Variants in KAZN observed in about 807,000 individuals in gnomAD.
KAZN encodes the protein kazrin.
In KAZN, 40 loss-of-function variants were observed where a neutral mutation model predicts 87.4. The ratio of observed to expected loss-of-function variants is 0.46; its 90% confidence interval spans 0.36 to 0.60. The LOEUF is 0.60. KAZN is among the 20% of genes least tolerant of loss of function. The probability of loss-of-function intolerance (pLI) is 0.00; values close to 1 mark genes in which losing one functional copy is unlikely to be tolerated. For synonymous variants in KAZN, 466 were observed against 458.3 expected, an observed-to-expected ratio of 1.02 and a Z score of -0.22; for missense variants, 898 against 1,073.9, an observed-to-expected ratio of 0.84 and a Z score of 2.29.
intron 2 of KAZN, among the ~76,000 whole-genome samples, chr1:14,464,266 C>T (rs114296539): frequency 2.0e-5 from 3 of 152,332 alleles, no homozygotes; most frequent in Non-Finnish European, 2.9e-5. Flanking sequence ...AGTTACTTGG[C>T]TTGCAAAGTA....
intron 2 of KAZN, among the ~76,000 whole-genome samples, chr1:14,234,544 A>T (rs1226496540): frequency 3.3e-5 from 5 of 152,002 alleles, no homozygotes; most frequent in African/African-American, 1.2e-4. Context: ...CCCAGAACTT[A>T]AAGTATAATA....
At chr1:14,770,316 A>G (rs777031729) in intron 1 of KAZN, among the ~76,000 whole-genome samples, 1 of 152,224 alleles carries the variant, frequency 6.6e-6, no homozygotes, top group African/African-American at 2.4e-5. Flanking sequence ...AAGCTAATGT[A>G]TGTAGCCAGG....
At chr1:14,647,967 C>A (rs1680932426) in intron 1 of KAZN, among the ~76,000 whole-genome samples, 2 of 152,206 alleles carry the variant, frequency 1.3e-5, no homozygotes, top group South Asian at 4.1e-4. Flanking sequence ...GCTGACCTTT[C>A]TGTTTCCTCT....
chr1:14,593,058 T>C (rs1362865413), intron 2 of KAZN, among the ~76,000 whole-genome samples: 1 of 152,148 alleles, frequency 6.6e-6, no homozygotes, highest in Non-Finnish European at 1.5e-5. Context: ...GCAGGCAGTT[T>C]TGTGATGCTT....
chr1:14,365,364 GGGGT>G (rs150109666), intron 2 of KAZN, among the ~76,000 whole-genome samples: 1,671 of 22,990 alleles, frequency 0.073, 74 homozygotes, highest in Middle Eastern at 0.15. Flanking sequence ...CCCTCCCCCC[GGGGT>G]GGGGGGGGGG....
At chr1:14,450,683 G>A (rs919118004) in intron 2 of KAZN, among the ~76,000 whole-genome samples, 1 of 152,154 alleles carries the variant, frequency 6.6e-6, no homozygotes, top group South Asian at 2.1e-4. Context: ...TGGGAAAAAT[G>A]ATGTCAACTA....
rs201002682 is a variant in KAZN at position 14,630,704 on chromosome 1, G to A, written c.226+31481G>A. ...CTCTCTAATGATTCCCCTACCCCAA[G>A]TGGACCACAGTTCAACAGTGTAGCC... On this transcript the variant is annotated intron_variant, in intron 1 of 14. Transcript: ENST00000376030. 5.3e-5 allele frequency among the ~76,000 whole-genome samples: 8 copies of A among 152,122 alleles called. No individual in the cohort carries two copies. The East Asian group carries it at 1.5e-3, about 29-fold the overall frequency.
At chr1:13,976,202 T>G (rs1339472979) in intron 1 of KAZN, among the ~76,000 whole-genome samples, 1 of 152,254 alleles carries the variant, frequency 6.6e-6, no homozygotes, top group Non-Finnish European at 1.5e-5. Context: ...TGTCTAATTT[T>G]TATTCTTAAT....
At chr1:14,865,518 T>C (rs940771030) in intron 1 of KAZN, among the ~76,000 whole-genome samples, 1 of 152,162 alleles carries the variant, frequency 6.6e-6, no homozygotes, top group Non-Finnish European at 1.5e-5. Flanking sequence ...GGCAGAAGCC[T>C]GGAGACTGCA....
rs77120739 is a variant in KAZN, at chr1:14,232,305, G to A, written c.249+51713G>A. On this transcript the variant is annotated intron_variant, in intron 2 of 16. Coordinates refer to the KAZN transcript ENST00000636203. ...AGAGGTGGGGGCAGCGCAGGCAGTGGGGGATATAACACTTCTGTTAAAATT... is the reference window on the plus strand; with the variant it reads ...AGAGGTGGGGGCAGCGCAGGCAGTGAGGGATATAACACTTCTGTTAAAATT... Among the ~76,000 whole-genome samples, 236 of 152,194 alleles carry A rather than the reference G, an allele frequency of 1.6e-3. 2 individuals are homozygous for A. The East Asian group carries it at 0.04, about 26-fold the overall frequency.
At chr1:14,222,918 A>G (rs1647138778) in intron 2 of KAZN, 1 of 152,184 alleles carries the variant, frequency 6.6e-6, no homozygotes. Context: ...CATTATTATT[A>G]TAGTCATCAT....
intron 2 of KAZN, among the ~76,000 whole-genome samples, chr1:14,293,613 T>C (rs866211021): frequency 4.9e-4 from 75 of 152,146 alleles, no homozygotes; most frequent in African/African-American, 1.7e-3. Context: ...CAGTCTCTCC[T>C]GTCCCTCTTT....
intron 1 of KAZN, among the ~76,000 whole-genome samples, chr1:14,634,190 A>G (rs1572097132): frequency 6.6e-6 from 1 of 152,260 alleles, no homozygotes; most frequent in East Asian, 1.9e-4. Context: ...TAATTCAGCT[A>G]GTGCACAAAA....
chr1:14,022,193 T>C (rs187870829), intron 1 of KAZN, among the ~76,000 whole-genome samples: 146 of 152,212 alleles, frequency 9.6e-4, no homozygotes, highest in African/African-American at 3.3e-3. Flanking sequence ...GCATGCTCTT[T>C]CTAGCTTGTT....
rs544261317 is a variant in KAZN at position 14,984,467 on chromosome 1, C to T, written c.418+23592C>T. 5.3e-5 allele frequency among the ~76,000 whole-genome samples: 8 copies of T among 152,256 alleles called. 1 individual carries two copies. In the South Asian group the frequency reaches 1.7e-3, roughly 32 times the overall value. ...TCTCTCTGTGGGAAAAGGGCCTTCT[C>T]ATATGGAATGGGGGAAGGCGGTGGA... is the stretch of plus-strand genomic sequence containing the variant. On this transcript the variant is annotated intron_variant, in intron 2 of 14. Transcript: ENST00000376030.
intron 1 of KAZN, among the ~76,000 whole-genome samples, chr1:14,770,167 TTCAGCC>T (rs1644984866): frequency 6.6e-6 from 1 of 152,186 alleles, no homozygotes; most frequent in Non-Finnish European, 1.5e-5. Flanking sequence ...AAGTTTGGAC[TTCAGCC>T]TAAGGAAAAG....
chr1:14,228,158 G>GTGATGA (rs760211870), intron 2 of KAZN, among the ~76,000 whole-genome samples: 4 of 152,228 alleles, frequency 2.6e-5, no homozygotes, highest in African/African-American at 7.2e-5. Flanking sequence ...GACAATGATA[G>GTGATGA]TGATGATGAT....
At chr1:14,081,533 G>A (rs980358417) in intron 1 of KAZN, among the ~76,000 whole-genome samples, 1 of 151,994 alleles carries the variant, frequency 6.6e-6, no homozygotes, top group African/African-American at 2.4e-5. Context: ...GTTTGCAATA[G>A]CCAAAAGAAT....
In KAZN at chr1:14,735,262, G is replaced by A. The variant is rs571586520; in HGVS notation, c.226+136039G>A. ...TTTTTAGTAGAGACGGGGTTTCACC[G>A]TGTTAGCCAGGATGGTCTCGATCTC... On this transcript the variant is annotated intron_variant, in intron 1 of 14. Transcript: ENST00000376030. This position sits in a 1 kb window ranked among gnomAD's most constrained non-coding sequence, Gnocchi z 4.3. 1.3e-5 allele frequency among the ~76,000 whole-genome samples: 2 copies of A among 152,072 alleles called. No homozygotes were observed. The highest frequency in any genetic ancestry group is 2.9e-5 in the Non-Finnish European group (2 of 67,988).
Sources: gnomAD v4.1 joint callset for allele counts (sites outside exome capture counted in the v4.1 genomes callset) on GRCh38, gnomAD v4.1.1 for gene constraint, Gnocchi (gnomAD v3.1) non-coding constraint, MANE v1.5 for transcripts, NCBI Gene and HGNC (gene_info 2026-07-23, HGNC 2026-07-21) for gene names.